PCSK6: variants seen among roughly 807,000 people sequenced by gnomAD.
PCSK6 encodes the protein proprotein convertase subtilisin/kexin type 6.
In PCSK6, 85 loss-of-function variants were observed where a neutral mutation model predicts 123.3. The observed-to-expected ratio is 0.69, with a 90% confidence interval of 0.58 to 0.83. The LOEUF is 0.83. Ranked by LOEUF, PCSK6 falls within the 40% of genes least tolerant of loss-of-function variation. The pLI is 0.00. For synonymous variants in PCSK6, 508 were observed against 516.0 expected (o/e 0.98, Z 0.21); for missense variants, 1,191 against 1,282.3 (o/e 0.93, Z 1.09).
Position 101,346,698 on chromosome 15 carries a change from A to C in PCSK6, c.1859-14667T>G, listed in dbSNP as rs537805506. On this transcript the variant is annotated intron_variant, in intron 13 of 21. Transcript: ENST00000611716. ...GGGCAAATCTGGGAAAGGGGTTTCA[A>C]GAGAGCTCTCCCTCTTCCTCAGATC... 19 of 1,164,878 alleles carry C rather than the reference A, an allele frequency of 1.6e-5. No individual in the cohort carries two copies. In the South Asian group the frequency reaches 7.7e-4, roughly 47 times the overall value. 72.2% of individuals were successfully genotyped at this position (1,164,878 alleles called of 1,614,324 possible).
intron 17 of PCSK6, 70 bp from the exon 18 acceptor site, chr15:101,322,677 G>T (rs2040154951): frequency 1.0e-6 from 1 of 988,346 alleles, no homozygotes; most frequent in Non-Finnish European, 1.6e-6. Context: ...GGGCAAGCAG[G>T]CCCCCGGCAT....
Position 101,469,921 on chromosome 15 carries a change from G to A in PCSK6, c.297+19453C>T, listed in dbSNP as rs535601030. 8.5e-5 allele frequency among the ~76,000 whole-genome samples: 13 copies of A among 152,310 alleles called. No individual in the cohort carries two copies. In the South Asian group the frequency reaches 2.3e-3, roughly 27 times the overall value. On this transcript the variant is annotated intron_variant, in intron 1 of 21. Transcript: ENST00000611716. ...CTCCAAGGCCTGACGCTGGAAGGAC[G>A]TGCTGTTTCTCTCTCATCCAGTGCT... is the stretch of plus-strand genomic sequence containing the variant.
intron 1 of PCSK6, among the ~76,000 whole-genome samples, chr15:101,446,510 C>A (rs1305090183): frequency 2.0e-5 from 3 of 152,144 alleles, no homozygotes; most frequent in Non-Finnish European, 4.4e-5. Context: ...ATCCACCTAC[C>A]GTTTTTTGAT....
chr15:101,371,340 G>A (rs1192820377), intron 11 of PCSK6, among the ~76,000 whole-genome samples: 1 of 152,176 alleles, frequency 6.6e-6, no homozygotes, highest in Non-Finnish European at 1.5e-5. Flanking sequence ...AGTTGCCCTA[G>A]TATGACCTCC....
intron 17 of PCSK6, among the ~76,000 whole-genome samples, chr15:101,323,592 G>A (rs2040180898): frequency 6.6e-6 from 1 of 152,142 alleles, no homozygotes; most frequent in Non-Finnish European, 1.5e-5. Flanking sequence ...AATTAGCCGG[G>A]CGTGATGGCG....
intron 1 of PCSK6, among the ~76,000 whole-genome samples, chr15:101,478,113 A>G (rs1470029016): frequency 6.6e-6 from 1 of 152,120 alleles, no homozygotes; most frequent in Admixed American, 6.5e-5. Flanking sequence ...TTCCTAATAG[A>G]CACAGACTCT....
At chr15:101,458,607 C>T (rs886657981) in intron 1 of PCSK6, among the ~76,000 whole-genome samples, 2 of 152,092 alleles carry the variant, frequency 1.3e-5, no homozygotes, top group African/African-American at 4.8e-5. Context: ...TCTTCTCCAG[C>T]GCAAACAGAC....
chr15:101,438,752 C>T (rs1216056172), intron 2 of PCSK6, among the ~76,000 whole-genome samples: 2 of 152,240 alleles, frequency 1.3e-5, no homozygotes, highest in African/African-American at 2.4e-5. Flanking sequence ...AACTAGTCAT[C>T]GTTCCCAACA....
At position 101,354,167 on chromosome 15, in the gene PCSK6, A is replaced by G. The variant is rs558916152; in HGVS notation, c.1858+12029T>C. On this transcript the variant is annotated intron_variant, in intron 13 of 21. Coordinates refer to ENST00000611716, the MANE Select transcript of PCSK6 (RefSeq NM_002570.5). ...AAGCATAAGCCAATATGCACCACAC[A>G]CATACACACACCCACATATCCACAT... is the stretch of plus-strand genomic sequence containing the variant. Among the ~76,000 whole-genome samples, 11 of 152,310 alleles carry G rather than the reference A, an allele frequency of 7.2e-5. 2 individuals carry two copies. In the South Asian group the frequency reaches 2.3e-3, roughly 32 times the overall value.
chr15:101,455,118 T>C (rs1159600916), intron 1 of PCSK6, among the ~76,000 whole-genome samples: 1 of 152,122 alleles, frequency 6.6e-6, no homozygotes, highest in African/African-American at 2.4e-5. Context: ...ACAGGTAAGA[T>C]GATATATTTT....
chr15:101,435,619 G>A (rs781425592), intron 2 of PCSK6, among the ~76,000 whole-genome samples: 3 of 152,202 alleles, frequency 2.0e-5, no homozygotes, highest in Non-Finnish European at 1.5e-5. Context: ...GATAAGCTAC[G>A]CTCTGGGGCA....
At chr15:101,447,280 CTCACGCAGGG>C (rs1456492871) in intron 1 of PCSK6, among the ~76,000 whole-genome samples, 1 of 152,122 alleles carries the variant, frequency 6.6e-6, no homozygotes, top group Non-Finnish European at 1.5e-5. Flanking sequence ...GGCCCCCAGG[CTCACGCAGGG>C]TCACCTGTGG....
In PCSK6 at chr15:101,416,735, G is replaced by A. The variant is rs138708690; in HGVS notation, c.823+11157C>T. 8.4e-3 allele frequency among the ~76,000 whole-genome samples: 1,283 copies of A among 152,362 alleles called. 13 individuals carry two copies. The highest frequency in any genetic ancestry group is 0.029 in the African/African-American group (1,200 of 41,574). ...TCAGTCGTGGCTGAAAGGAGCCAAC[G>A]TACAGCTTGGGCTGTGGCTTCAGAG... On this transcript the variant is annotated intron_variant, in intron 6 of 21. Transcript: ENST00000611716.
intron 4 of PCSK6, among the ~76,000 whole-genome samples, chr15:101,430,558 T>C (rs1596325443): frequency 6.6e-6 from 1 of 152,382 alleles, no homozygotes; most frequent in East Asian, 1.9e-4. Context: ...ATATTTTCAA[T>C]AGGTATGCTT....
At chr15:101,350,457 T>G (rs1027925637) in intron 13 of PCSK6, among the ~76,000 whole-genome samples, 2 of 152,260 alleles carry the variant, frequency 1.3e-5, no homozygotes, top group Non-Finnish European at 2.9e-5. Context: ...AATTTTTTTA[T>G]GCCAAATATT....
intron 13 of PCSK6, among the ~76,000 whole-genome samples, chr15:101,356,092 C>T (rs2041031439): frequency 6.6e-6 from 1 of 152,232 alleles, no homozygotes; most frequent in Admixed American, 6.5e-5. Context: ...ACACTTTCTG[C>T]ATTCTGGGTC....
intron 7 of PCSK6, among the ~76,000 whole-genome samples, chr15:101,396,807 A>C (rs1779784788): frequency 6.6e-6 from 1 of 152,056 alleles, no homozygotes; most frequent in African/African-American, 2.4e-5. Context: ...GGATGCCCGC[A>C]AGACCCCATG....
intron 1 of PCSK6, among the ~76,000 whole-genome samples, chr15:101,474,632 C>A (rs1004566570): frequency 6.6e-6 from 1 of 152,154 alleles, no homozygotes; most frequent in Non-Finnish European, 1.5e-5. Flanking sequence ...ATTTTTCTCC[C>A]TCCACCTCCC....
intron 2 of PCSK6, among the ~76,000 whole-genome samples, chr15:101,443,148 G>A (rs2056799510): frequency 6.6e-6 from 1 of 152,204 alleles, no homozygotes; most frequent in South Asian, 2.1e-4. Flanking sequence ...TGAAGATCAT[G>A]TGAATCTTTG....
Sources: gnomAD v4.1 joint callset for allele counts (sites outside exome capture counted in the v4.1 genomes callset) on GRCh38, gnomAD v4.1.1 for gene constraint, MANE v1.5 for transcripts, NCBI Gene and HGNC (gene_info 2026-07-23, HGNC 2026-07-21) for gene names.